The following NTNG1 variants were observed in gnomAD, a reference collection of about 807,000 sequenced individuals.
The protein encoded by NTNG1 is netrin G1, also known as netrin-G1.
Under a neutral mutation model 54.0 loss-of-function variants are expected in NTNG1, and 16 were observed. The observed-to-expected ratio is 0.30, with a 90% confidence interval of 0.20 to 0.45. The LOEUF is 0.45. Ranked by LOEUF, NTNG1 falls within the 20% of genes least tolerant of loss-of-function variation. The probability of loss-of-function intolerance (pLI) is 1.00; values close to 1 mark genes in which losing one functional copy is unlikely to be tolerated. For synonymous variants in NTNG1, 255 were observed against 263.1 expected (o/e 0.97, Z 0.30); for missense variants, 530 against 678.7 (o/e 0.78, Z 2.43).
intron 7 of NTNG1, among the ~76,000 whole-genome samples, chr1:107,449,469 G>A (rs1570985283): frequency 6.6e-6 from 1 of 151,810 alleles, no homozygotes; most frequent in Admixed American, 6.6e-5. Context: ...AATTGACTCA[G>A]GATATTCAGA....
At chr1:107,155,087 G>A (rs1442098224) in intron 2 of NTNG1, among the ~76,000 whole-genome samples, 1 of 152,068 alleles carries the variant, frequency 6.6e-6, no homozygotes, top group Non-Finnish European at 1.5e-5. Context: ...TAAAGCATCA[G>A]TCTCTCTGGA....
At chr1:107,299,754 G>A (rs746787322) in intron 2 of NTNG1, among the ~76,000 whole-genome samples, 1 of 152,274 alleles carries the variant, frequency 6.6e-6, no homozygotes, top group Non-Finnish European at 1.5e-5. Context: ...CTTTATGAAT[G>A]TACAGATAAG....
intron 5 of NTNG1, 86 bp downstream of exon 5, chr1:107,407,794 C>T (rs1432322111): frequency 2.6e-6 from 3 of 1,169,926 alleles, no homozygotes; most frequent in Non-Finnish European, 3.9e-6. Context: ...TCTATTTTCC[C>T]AGTGTCCATT....
At chr1:107,216,507 A>G (rs891509029) in intron 2 of NTNG1, among the ~76,000 whole-genome samples, 3 of 152,194 alleles carry the variant, frequency 2.0e-5, no homozygotes, top group African/African-American at 7.2e-5. Flanking sequence ...CCACTTGATC[A>G]TGATGGATTA....
intron 2 of NTNG1, among the ~76,000 whole-genome samples, chr1:107,293,953 T>C (rs999055649): frequency 6.6e-6 from 1 of 152,058 alleles, no homozygotes; most frequent in Non-Finnish European, 1.5e-5. Context: ...ATATTGGTTT[T>C]GTTTTTTATT....
chr1:107,190,081 A>G (rs1657790369), intron 2 of NTNG1, among the ~76,000 whole-genome samples: 1 of 152,164 alleles, frequency 6.6e-6, no homozygotes, highest in African/African-American at 2.4e-5. Flanking sequence ...ATATTGTACA[A>G]TTCCACTTAT....
At chr1:107,436,831 C>T (rs1001262871) in intron 7 of NTNG1, 32 bp downstream of exon 7, 1 of 1,607,846 alleles carries the variant, frequency 6.2e-7, no homozygotes, top group Non-Finnish European at 8.5e-7. Context: ...CCTCTGCCTG[C>T]TGCAGCATGG....
intron 2 of NTNG1, among the ~76,000 whole-genome samples, chr1:107,301,268 A>G (rs1049206738): frequency 6.6e-6 from 1 of 152,216 alleles, no homozygotes; most frequent in Admixed American, 6.5e-5. Context: ...TCAAGTTGAT[A>G]CTGGTACTTA....
intron 2 of NTNG1, among the ~76,000 whole-genome samples, chr1:107,253,513 C>T (rs1662743055): frequency 2.6e-5 from 4 of 152,166 alleles, no homozygotes. Context: ...ATTTGTGTGT[C>T]ACAGGTGTTA....
chr1:107,153,676 G>A (rs1419335434), intron 2 of NTNG1, among the ~76,000 whole-genome samples: 2 of 152,132 alleles, frequency 1.3e-5, no homozygotes, highest in African/African-American at 4.8e-5. Context: ...GCCTACAATA[G>A]CTCCTTACTA....
chr1:107,318,044 C>G (rs1263743094), intron 2 of NTNG1, among the ~76,000 whole-genome samples: 1 of 152,152 alleles, frequency 6.6e-6, no homozygotes, highest in Non-Finnish European at 1.5e-5. Flanking sequence ...GGGACAGTCC[C>G]ATAGTATTTA....
At chr1:107,188,691 G>T (rs1293352933) in intron 2 of NTNG1, among the ~76,000 whole-genome samples, 1 of 151,902 alleles carries the variant, frequency 6.6e-6, no homozygotes, top group African/African-American at 2.4e-5. Flanking sequence ...CATTATATTT[G>T]GGTCTCTTGG....
In NTNG1 at chr1:107,358,980, A is replaced by G. The variant is rs532049089; in HGVS notation, c.887+34058A>G. Among the ~76,000 whole-genome samples, 6 of 152,350 alleles carry G rather than the reference A, an allele frequency of 3.9e-5. No homozygotes were observed. The South Asian group carries it at 1.2e-3, about 32-fold the overall frequency. On this transcript the variant is annotated intron_variant, in intron 3 of 7. Coordinates refer to ENST00000370068, the MANE Select transcript of NTNG1 (RefSeq NM_001113226.3). Reference sequence around the variant, plus strand: ...CAAGGCTGATCATTGTCTCACAAAAAAATATAAAGTTCTATTGAAAATGCG... The same window carrying G: ...CAAGGCTGATCATTGTCTCACAAAAGAATATAAAGTTCTATTGAAAATGCG...
intron 2 of NTNG1, among the ~76,000 whole-genome samples, chr1:107,180,774 C>G (rs979460835): frequency 6.6e-5 from 10 of 152,082 alleles, no homozygotes; most frequent in African/African-American, 2.4e-4. Flanking sequence ...AACCACAAAA[C>G]TAAAACATAA....
At chr1:107,203,184 T>C (rs1658890417) in intron 2 of NTNG1, among the ~76,000 whole-genome samples, 1 of 151,850 alleles carries the variant, frequency 6.6e-6, no homozygotes. Flanking sequence ...CTTTAATTCT[T>C]TCAGTCACTC....
chr1:107,229,461 T>C (rs962984371), intron 2 of NTNG1, among the ~76,000 whole-genome samples: 2 of 151,756 alleles, frequency 1.3e-5, no homozygotes, highest in Non-Finnish European at 2.9e-5. Context: ...AATCCTGTCT[T>C]TCCAGAGCAG....
At chr1:107,358,438 G>A (rs1053429852) in intron 3 of NTNG1, among the ~76,000 whole-genome samples, 1 of 151,768 alleles carries the variant, frequency 6.6e-6, no homozygotes, top group African/African-American at 2.4e-5. Context: ...GGTCACGAGT[G>A]GGGGTTTCCT....
intron 2 of NTNG1, among the ~76,000 whole-genome samples, chr1:107,272,086 T>C (rs1664181736): frequency 6.6e-6 from 1 of 152,174 alleles, no homozygotes; most frequent in Non-Finnish European, 1.5e-5. Context: ...TTGGTGTTCT[T>C]AAGTGACTCT....
Position 107,286,995 on chromosome 1 carries a change from C to T in NTNG1, c.247-37287C>T, listed in dbSNP as rs530184130. Among the ~76,000 whole-genome samples the T allele has an allele frequency of 2.0e-5, 3 of 152,218 alleles. No homozygotes were observed. In the South Asian group the frequency reaches 6.2e-4, roughly 32 times the overall value. On this transcript the variant is annotated intron_variant, in intron 2 of 7. Coordinates refer to ENST00000370068, the MANE Select transcript of NTNG1 (RefSeq NM_001113226.3). ...CAGGGTGTTTATAGATTTATAAAAA[C>T]TTTGTAAATCATGTGCAAAATTGTA...
Sources: gnomAD v4.1 joint callset for allele counts (sites outside exome capture counted in the v4.1 genomes callset) on GRCh38, gnomAD v4.1.1 for gene constraint, MANE v1.5 for transcripts, NCBI Gene and HGNC (gene_info 2026-07-23, HGNC 2026-07-21) for gene names.